Variants in LRRTM4 observed in about 807,000 individuals in gnomAD.
LRRTM4 encodes leucine rich repeat transmembrane neuronal 4, also known as leucine-rich repeat transmembrane neuronal protein 4.
A neutral mutation model predicts 47.6 loss-of-function variants in LRRTM4; 25 were observed. The observed-to-expected ratio is 0.53, with a 90% CI of 0.38 to 0.73. The LOEUF (loss-of-function observed/expected upper bound fraction) is 0.73, where lower values mean the gene tolerates loss of function less well. LRRTM4 is among the 30% of genes least tolerant of loss of function. The pLI is 0.00. For missense variants in LRRTM4, 638 were observed against 713.4 expected, an observed-to-expected ratio of 0.89 and a Z score of 1.20; for synonymous variants, 311 against 269.5, an observed-to-expected ratio of 1.15 and a Z score of -1.51.
chr2:77,430,202 C>G (rs1271233520), intron 3 of LRRTM4, among the ~76,000 whole-genome samples: 3 of 152,124 alleles, frequency 2.0e-5, no homozygotes, highest in Non-Finnish European at 4.4e-5. Context: ...TGTTAATTAG[C>G]TAGCTTTAGT....
chr2:77,326,038 C>A (rs1314674906), intron 3 of LRRTM4, among the ~76,000 whole-genome samples: 1 of 152,180 alleles, frequency 6.6e-6, no homozygotes, highest in African/African-American at 2.4e-5. Flanking sequence ...GTCACAGGAT[C>A]CTCATTTGAG....
chr2:77,250,728 G>GT (rs1303681704), intron 3 of LRRTM4, among the ~76,000 whole-genome samples: 1 of 152,156 alleles, frequency 6.6e-6, no homozygotes, highest in Admixed American at 6.6e-5. Flanking sequence ...TATTCCCACT[G>GT]AAATGATCAA....
At chr2:77,268,260 C>G (rs1676104030) in intron 3 of LRRTM4, among the ~76,000 whole-genome samples, 1 of 152,138 alleles carries the variant, frequency 6.6e-6, no homozygotes, top group African/African-American at 2.4e-5. Context: ...TCCCCTCCTT[C>G]TTTCATTCCC....
At chr2:76,790,670 G>T (rs1333472004) in intron 3 of LRRTM4, among the ~76,000 whole-genome samples, 1 of 151,990 alleles carries the variant, frequency 6.6e-6, no homozygotes, top group African/African-American at 2.4e-5. Context: ...TTGGGGAACA[G>T]TATCTTGTAG....
chr2:77,517,284 A>G, intron 3 of LRRTM4: 1 of 983,182 alleles, frequency 1.0e-6, no homozygotes, highest in Non-Finnish European at 1.2e-6. Flanking sequence ...ATAATATAAC[A>G]TGGAAGGTAC....
At chr2:77,087,018 G>C (rs1030207263) in intron 3 of LRRTM4, among the ~76,000 whole-genome samples, 5 of 151,922 alleles carry the variant, frequency 3.3e-5, no homozygotes, top group African/African-American at 1.2e-4. Context: ...GCGTAATATT[G>C]CAATTATCAG....
intron 3 of LRRTM4, among the ~76,000 whole-genome samples, chr2:77,062,836 T>C (rs1463345912): frequency 6.6e-6 from 1 of 152,214 alleles, no homozygotes; most frequent in Non-Finnish European, 1.5e-5. Context: ...GCAGTACAGA[T>C]GCAGGATAGT....
chr2:77,395,109 A>G (rs1673651975), intron 3 of LRRTM4, among the ~76,000 whole-genome samples: 1 of 151,898 alleles, frequency 6.6e-6, no homozygotes, highest in Non-Finnish European at 1.5e-5. Context: ...TTGGCATCTT[A>G]CTGGGCCACA....
At chr2:77,443,934 T>C (rs540639133) in intron 3 of LRRTM4, among the ~76,000 whole-genome samples, 1 of 152,128 alleles carries the variant, frequency 6.6e-6, no homozygotes, top group East Asian at 1.9e-4. Flanking sequence ...GAGTAATATA[T>C]AGGTGGAAAG....
intron 3 of LRRTM4, among the ~76,000 whole-genome samples, chr2:77,000,457 T>G (rs1225685037): frequency 6.6e-6 from 1 of 152,174 alleles, no homozygotes; most frequent in Middle Eastern, 3.2e-3. Flanking sequence ...ATGCCCTTGG[T>G]CTTGTCAGTT....
intron 3 of LRRTM4, among the ~76,000 whole-genome samples, chr2:77,493,912 T>C (rs1332520622): frequency 6.6e-6 from 1 of 152,110 alleles, no homozygotes; most frequent in African/African-American, 2.4e-5. Context: ...TGACACAAAA[T>C]ACTTAATATT....
At chr2:76,777,418 A>C (rs1479017836) in intron 3 of LRRTM4, among the ~76,000 whole-genome samples, 1 of 144,674 alleles carries the variant, frequency 6.9e-6, no homozygotes, top group Non-Finnish European at 1.5e-5. Context: ...ATTTGTTTGT[A>C]TCCTCTTTTA....
At chr2:77,218,547 T>C (rs917386001) in intron 3 of LRRTM4, among the ~76,000 whole-genome samples, 2 of 151,512 alleles carry the variant, frequency 1.3e-5, no homozygotes, top group Admixed American at 1.3e-4. Flanking sequence ...TATTTATTGT[T>C]CCTGGGATAT....
At chr2:77,472,387 G>A (rs1161038141) in intron 3 of LRRTM4, among the ~76,000 whole-genome samples, 1 of 152,132 alleles carries the variant, frequency 6.6e-6, no homozygotes, top group Non-Finnish European at 1.5e-5. Flanking sequence ...TGACAAAAAT[G>A]TTGTTACCAG....
intron 3 of LRRTM4, among the ~76,000 whole-genome samples, chr2:76,845,275 G>C (rs1671805975): frequency 6.6e-6 from 1 of 152,150 alleles, no homozygotes; most frequent in Admixed American, 6.5e-5. Flanking sequence ...AGGATCACTT[G>C]AGCCCAGGAG....
intron 3 of LRRTM4, among the ~76,000 whole-genome samples, chr2:76,802,488 CAT>C (rs1397080249): frequency 2.0e-5 from 3 of 151,966 alleles, no homozygotes; most frequent in Non-Finnish European, 2.9e-5. Context: ...TTAATGGAAA[CAT>C]ATCCTGTGTT....
At chr2:76,852,936 G>A (rs981330427) in intron 3 of LRRTM4, among the ~76,000 whole-genome samples, 2 of 152,074 alleles carry the variant, frequency 1.3e-5, no homozygotes, top group African/African-American at 4.8e-5. Context: ...GGGAAGAATT[G>A]TTATATTAGA....
intron 3 of LRRTM4, among the ~76,000 whole-genome samples, chr2:76,991,714 G>T (rs1279922995): frequency 2.0e-5 from 3 of 151,686 alleles, no homozygotes; most frequent in Non-Finnish European, 4.4e-5. Context: ...GTACAGAGAA[G>T]AGCTGGTACC....
At chr2:77,365,319 T>C (rs1367076970) in intron 3 of LRRTM4, among the ~76,000 whole-genome samples, 2 of 152,080 alleles carry the variant, frequency 1.3e-5, no homozygotes. Context: ...CAGAATATAA[T>C]GCTTAACTAC....
Sources: gnomAD v4.1 joint callset for allele counts (sites outside exome capture counted in the v4.1 genomes callset) on GRCh38, gnomAD v4.1.1 for gene constraint, MANE v1.5 for transcripts, NCBI Gene and HGNC (gene_info 2026-07-23, HGNC 2026-07-21) for gene names.